The following EQTN variants were observed in gnomAD, a reference collection of about 807,000 sequenced individuals.
EQTN encodes Acrosome formation associated factor.
Under a neutral mutation model 26.9 loss-of-function variants are expected in EQTN, and 29 were observed. That is an observed-to-expected ratio of 1.08 (90% CI 0.80 to 1.47). EQTN has a LOEUF of 1.47. Ranked by LOEUF, EQTN falls within the 40% of genes most tolerant of loss-of-function variation. The pLI, the probability that EQTN is intolerant of heterozygous loss-of-function variation, is 0.00. For synonymous variants in EQTN, 129 were observed against 120.0 expected, an observed-to-expected ratio of 1.07 and a Z score of -0.49; for missense variants, 391 against 346.1, an observed-to-expected ratio of 1.13 and a Z score of -1.03.
chr9:27,291,449 C>T (rs1193337110), intron 4 of EQTN, among the ~76,000 whole-genome samples: 2 of 152,156 alleles, frequency 1.3e-5, no homozygotes, highest in African/African-American at 2.4e-5. Flanking sequence ...AAGGTGAGAG[C>T]GAGCTCATTC....
chr9:27,292,569 A>C (rs1820259346), intron 3 of EQTN, 82 bp from the exon 4 acceptor site: 1 of 749,130 alleles, frequency 1.3e-6, no homozygotes, highest in South Asian at 2.0e-5. Context: ...ATATCTATTA[A>C]ATGGATATTA....
chr9:27,292,097 C>G (rs750908873), intron 4 of EQTN: 2 of 168,786 alleles, frequency 1.2e-5, no homozygotes, highest in Non-Finnish European at 1.3e-5. Context: ...ATACATTCGA[C>G]ATATATTTAT....
intron 4 of EQTN, among the ~76,000 whole-genome samples, chr9:27,291,364 G>A (rs923202558): frequency 6.6e-6 from 1 of 152,302 alleles, no homozygotes; most frequent in South Asian, 2.1e-4. Flanking sequence ...AACTTCTTAA[G>A]GCCAGAAACC....
chr9:27,286,075 G>C, intron 7 of EQTN, 134 bp downstream of exon 7: 1 of 908,470 alleles, frequency 1.1e-6, no homozygotes, highest in Non-Finnish European at 1.7e-6. Flanking sequence ...TCCGAATAGG[G>C]TAAATGGAAT....
At chr9:27,294,278 T>G (rs1252041589) in intron 3 of EQTN, 38 bp downstream of exon 3, 2 of 1,437,560 alleles carry the variant, frequency 1.4e-6, no homozygotes, top group Non-Finnish European at 1.9e-6. Flanking sequence ...CCTGCTTTAA[T>G]GGCTTTTACA....
intron 5 of EQTN, among the ~76,000 whole-genome samples, chr9:27,290,542 C>T (rs1004749733): frequency 2.6e-4 from 39 of 152,168 alleles, no homozygotes; most frequent in African/African-American, 9.2e-4. Context: ...CATGCATTAC[C>T]TTTATACATG....
chr9:27,296,856 A>T (rs1412376601), intron 1 of EQTN, 118 bp from the exon 2 acceptor site: 2 of 1,556,914 alleles, frequency 1.3e-6, no homozygotes, highest in African/African-American at 1.4e-5. Context: ...AATCTAAAAC[A>T]TACCATAGCT....
chr9:27,291,799 G>A (rs1477557727), intron 4 of EQTN, among the ~76,000 whole-genome samples: 1 of 152,146 alleles, frequency 6.6e-6, no homozygotes, highest in Admixed American at 6.5e-5. Context: ...ATAAACTGGA[G>A]AAAATAGGGT....
chr9:27,288,521 A>C (rs978521947), intron 6 of EQTN, among the ~76,000 whole-genome samples: 1 of 152,214 alleles, frequency 6.6e-6, no homozygotes, highest in African/African-American at 2.4e-5. Flanking sequence ...ATAGGTATTT[A>C]CCAAAATGAG....
intron 2 of EQTN, among the ~76,000 whole-genome samples, chr9:27,295,850 AAAAAC>A (rs1820330173): frequency 6.6e-6 from 1 of 151,302 alleles, no homozygotes; most frequent in African/African-American, 2.4e-5. Flanking sequence ...AAAAAAAAAA[AAAAAC>A]AACGATAAAA....
At position 27,284,741 on chromosome 9, in the gene EQTN, A is replaced by G; in HGVS notation, c.867T>C (p.Asp289=). ...GATTTCTTCACCGGGTAACCGACTC[A>G]TCGTTTTCATGCATCTCATTATCTG... ...IGSDNEMHEN[D]ESVTR Residue 289 remains aspartate (D), a synonymous_variant, in exon 8 of 8, where the codon GAT becomes GAC. Transcript: ENST00000380032. The G allele has an allele frequency of 6.2e-7, 1 of 1,613,608 alleles. No individual in the cohort carries two copies. The highest frequency in any genetic ancestry group is 8.5e-7 in the Non-Finnish European group (1 of 1,179,688).
In EQTN at chr9:27,296,628, TATA is replaced by T; in HGVS notation, c.184_186del (p.Tyr62del). 1 of 1,537,340 alleles carries T rather than the reference TATA, an allele frequency of 6.5e-7. No individual in the cohort carries two copies. The highest frequency in any genetic ancestry group is 9.0e-7 in the Non-Finnish European group (1 of 1,115,704). ...AAAGACTTACATTGTTTTATATCTT[TATA>T]ATAATTGCCATTTTTCTCATTAGCA... On this transcript the variant is annotated inframe_deletion, in exon 2 of 8. Transcript: ENST00000380032.
chr9:27,295,656 A>AC (rs2131310763), intron 2 of EQTN, among the ~76,000 whole-genome samples: 1 of 151,768 alleles, frequency 6.6e-6, no homozygotes, highest in Admixed American at 6.5e-5. Flanking sequence ...ACACTGTGAA[A>AC]CCCGTCTCTA....
chr9:27,288,140 A>C (rs1820158269), intron 6 of EQTN, among the ~76,000 whole-genome samples: 1 of 152,178 alleles, frequency 6.6e-6, no homozygotes, highest in Admixed American at 6.5e-5. Flanking sequence ...GGCCACACTT[A>C]TCAATCCAGT....
chr9:27,294,754 A>T (rs981810063), intron 2 of EQTN, among the ~76,000 whole-genome samples: 1 of 152,226 alleles, frequency 6.6e-6, no homozygotes, highest in Non-Finnish European at 1.5e-5. Flanking sequence ...CCGGGTAAGA[A>T]GCATTTACCT....
rs550398165 is a variant in EQTN at position 27,285,113 on chromosome 9, A to G, written c.636-141T>C. ...CTTAGTAACATTATGTGAATGATAT[A>G]TAGTTTTTCTTTTCTTTTCCTTTTT... On this transcript the variant is annotated intron_variant, in intron 7 of 7. Transcript: ENST00000380032. The G allele has an allele frequency of 2.2e-5, 6 of 275,188 alleles. No homozygotes were observed. The East Asian group carries it at 4.4e-4, about 20-fold the overall frequency. The allele number at this position is 275,188 out of a possible 1,614,324, so 17.0% of individuals were successfully genotyped here. A position where few individuals can be genotyped will look rare whatever the true frequency, so the allele number is the denominator to read the frequency against.
chr9:27,287,961 G>T (rs1820155552), intron 6 of EQTN, among the ~76,000 whole-genome samples: 2 of 152,100 alleles, frequency 1.3e-5, no homozygotes, highest in Admixed American at 1.3e-4. Flanking sequence ...CCAACACCAC[G>T]CCTGGCTAAT....
intron 7 of EQTN, 26 bp downstream of exon 7, chr9:27,286,181 TAA>T: frequency 1.9e-6 from 3 of 1,607,628 alleles, no homozygotes; most frequent in Non-Finnish European, 2.6e-6. Flanking sequence ...GCATTTGTTG[TAA>T]AGACTGCAGA....
In EQTN at chr9:27,292,615, G is replaced by C. The variant is rs181523566; in HGVS notation, c.290-128C>G. 5.5e-6 allele frequency: 3 copies of C among 544,452 alleles called. No individual in the cohort carries two copies. The East Asian group carries it at 9.4e-5, about 17-fold the overall frequency. The allele number at this position is 544,452 out of a possible 1,614,324, so 33.7% of individuals were successfully genotyped here. A position where few individuals can be genotyped will look rare whatever the true frequency, so the allele number is the denominator to read the frequency against. On this transcript the variant is annotated intron_variant, in intron 3 of 7. Transcript: ENST00000380032. ...AAAAGGAGAGAGAAGAAACGGAAGA[G>C]AAAGACATTAACATTTTCCAGAAAT...
Sources: gnomAD v4.1 joint callset for allele counts (sites outside exome capture counted in the v4.1 genomes callset) on GRCh38, gnomAD v4.1.1 for gene constraint, MANE v1.5 for transcripts, NCBI Gene and HGNC (gene_info 2026-07-23, HGNC 2026-07-21) for gene names.